CCP110: variants seen among roughly 807,000 people sequenced by gnomAD.
CCP110 encodes centriolar coiled-coil protein of 110 kDa.
CCP110 carries 43 observed loss-of-function variants against 105.5 expected under a neutral mutation model. That is an observed-to-expected ratio of 0.41 (90% CI 0.32 to 0.53). The LOEUF is 0.53. Among genes scored for constraint, CCP110 ranks in the 20% least tolerant of loss-of-function variants. CCP110 has a pLI of 0.32. For missense variants in CCP110, 1,016 were observed against 1,189.1 expected, an observed-to-expected ratio of 0.85 and a Z score of 2.14; for synonymous variants, 353 against 392.1, an observed-to-expected ratio of 0.90 and a Z score of 1.18.
At chr16:19,550,968 G>A (rs1177709942) in intron 14 of CCP110, among the ~76,000 whole-genome samples, 1 of 152,176 alleles carries the variant, frequency 6.6e-6, no homozygotes, top group Non-Finnish European at 1.5e-5. Context: ...GGTTATCAGA[G>A]TTCTTCCTTC....
At chr16:19,539,514 C>T (rs1056489439) in intron 4 of CCP110, among the ~76,000 whole-genome samples, 2 of 151,386 alleles carry the variant, frequency 1.3e-5, no homozygotes, top group South Asian at 2.1e-4. Context: ...TGCGCCACCA[C>T]GCCCAGCTGT....
chr16:19,546,076 AATTT>A (rs1312350908), intron 11 of CCP110, 186 bp downstream of exon 11: 12 of 552,690 alleles, frequency 2.2e-5, no homozygotes, highest in African/African-American at 5.7e-5. Flanking sequence ...ATCTTAGATG[AATTT>A]ATTTACTAAA....
chr16:19,537,087 T>C (rs1446366012), exon 4 of CCP110: 1 of 1,614,198 alleles, frequency 6.2e-7, no homozygotes, highest in South Asian at 1.1e-5. Context: ...GAAAATAAAG[T>C]TACTCATGGA....
chr16:19,530,205 T>A (rs226889), intron 2 of CCP110, among the ~76,000 whole-genome samples: 83,200 of 151,630 alleles, frequency 0.55, 26,109 homozygotes, highest in African/African-American at 0.86. Flanking sequence ...TTTAAAAAAA[T>A]AACAAAACTA....
chr16:19,543,775 T>C (rs1483938162), intron 8 of CCP110, among the ~76,000 whole-genome samples: 1 of 152,148 alleles, frequency 6.6e-6, no homozygotes, highest in Non-Finnish European at 1.5e-5. Flanking sequence ...AAATATGCCC[T>C]GGTCTCCTGC....
intron 1 of CCP110, among the ~76,000 whole-genome samples, chr16:19,527,535 T>A (rs1483919224): frequency 6.6e-6 from 1 of 152,200 alleles, no homozygotes; most frequent in Non-Finnish European, 1.5e-5. Context: ...TAATATCCTG[T>A]TTTACAATGT....
chr16:19,542,238 G>A (rs1014187423), intron 6 of CCP110, among the ~76,000 whole-genome samples, 174 bp downstream of exon 6: 1 of 152,198 alleles, frequency 6.6e-6, no homozygotes, highest in Non-Finnish European at 1.5e-5. Flanking sequence ...AGACTTGTGA[G>A]CAGATGTTTG....
intron 2 of CCP110, among the ~76,000 whole-genome samples, chr16:19,528,544 A>G (rs1274623417): frequency 1.3e-5 from 2 of 152,164 alleles, no homozygotes; most frequent in African/African-American, 4.8e-5. Flanking sequence ...TCAATGATCT[A>G]GTGTAAAACA....
At position 19,539,973 on chromosome 16, in the gene CCP110, C is replaced by T. The variant is rs903839220; in HGVS notation, c.1919-684C>T. Among the ~76,000 whole-genome samples the T allele has an allele frequency of 2.0e-4, 30 of 151,016 alleles. No homozygotes were observed. The East Asian group carries it at 4.4e-3, about 22-fold the overall frequency. On this transcript the variant is annotated intron_variant, in intron 4 of 14. Coordinates refer to ENST00000381396, the Ensembl canonical transcript of CCP110. ...CGCTTGTATTTTTTCAGTAGAGATT[C>T]GGTTTCACCATGTTGGTCATGCTGG... is the stretch of plus-strand genomic sequence containing the variant.
chr16:19,548,436 C>A lies in CCP110; in HGVS notation c.2901-79C>A. On this transcript the variant is annotated intron_variant, in intron 13 of 14. Coordinates refer to ENST00000381396, the Ensembl canonical transcript of CCP110. The surrounding 1 kb of genome is among the most constrained non-coding windows in gnomAD (Gnocchi z 4.1). ...TTATTTGTGCTTTGGACAGTTGATG[C>A]AATGTGATTGCTTTCTTTGAATTTT... 2.3e-6 allele frequency: 2 copies of A among 876,552 alleles called. No homozygotes were observed. The highest frequency in any genetic ancestry group is 3.6e-6 in the Non-Finnish European group (2 of 562,136). The allele number at this position is 876,552 out of a possible 1,614,324, so 54.3% of individuals were successfully genotyped here.
chr16:19,541,651 AGAGAG>A (rs1970285884), intron 5 of CCP110, among the ~76,000 whole-genome samples: 1 of 1,376 alleles, frequency 7.3e-4, no homozygotes, highest in African/African-American at 0.017. Context: ...GAGAGAGAGG[AGAGAG>A]AGAGAGAGAG....
At chr16:19,545,266 C>A in intron 10 of CCP110, 56 bp downstream of exon 10, 2 of 970,972 alleles carry the variant, frequency 2.1e-6, no homozygotes, top group South Asian at 1.6e-5. Context: ...GTAATTGATA[C>A]TAAATGTCAG....
At chr16:19,542,781 A>G (rs759506749) in intron 7 of CCP110, 21 bp downstream of exon 7, 74 of 1,598,740 alleles carry the variant, frequency 4.6e-5, no homozygotes, top group Non-Finnish European at 6.3e-5. Context: ...TTAATGATAC[A>G]TGTCCATCTA....
exon 4 of CCP110, chr16:19,536,545 A>T (rs1296853332): frequency 6.2e-7 from 1 of 1,614,176 alleles, no homozygotes; most frequent in African/African-American, 1.3e-5. Context: ...TTCCTGACAA[A>T]CCAAGCCTTA....
Position 19,548,021 on chromosome 16 carries a change from A to T in CCP110, c.2900+7A>T. ...GGCTACTTAGTAGACAAGGGTAAGA[A>T]TGCCACACACGGGTATTGAAAACTA... On this transcript the variant is annotated splice_region_variant and intron_variant, in intron 13 of 14. Transcript: ENST00000381396. The surrounding 1 kb of genome is among the most constrained non-coding windows in gnomAD (Gnocchi z 4.1). 6.3e-7 allele frequency: 1 copy of T among 1,598,364 alleles called. No homozygotes were observed. Among genetic ancestry groups the T allele is most frequent in the Non-Finnish European group, 8.6e-7 (1 of 1,165,830 alleles).
chr16:19,543,579 G>A (rs190240144), intron 8 of CCP110, among the ~76,000 whole-genome samples: 4 of 152,292 alleles, frequency 2.6e-5, no homozygotes, highest in African/African-American at 9.6e-5. Flanking sequence ...GGGCAAAATA[G>A]AGCCATATTT....
At chr16:19,536,333 G>T (rs770483196) in exon 4 of CCP110, 35 of 1,612,742 alleles carry the variant, frequency 2.2e-5, no homozygotes, top group Non-Finnish European at 2.8e-5. Context: ...AGTCATCCCA[G>T]ATCCCTATGT....
At chr16:19,543,263 A>C (rs1334639215) in intron 8 of CCP110, among the ~76,000 whole-genome samples, 1 of 152,144 alleles carries the variant, frequency 6.6e-6, no homozygotes, top group African/African-American at 2.4e-5. Context: ...ATAATTTCTT[A>C]CTCCTGTCTT....
intron 12 of CCP110, 97 bp from the exon 13 acceptor site, chr16:19,547,858 C>T: frequency 1.2e-6 from 1 of 856,516 alleles, no homozygotes; most frequent in Non-Finnish European, 2.0e-6. Context: ...CATAGTTGAC[C>T]TTTACCTTAC....
Sources: gnomAD v4.1 joint callset for allele counts (sites outside exome capture counted in the v4.1 genomes callset) on GRCh38, gnomAD v4.1.1 for gene constraint, Gnocchi (gnomAD v3.1) non-coding constraint, MANE v1.5 for transcripts, NCBI Gene and HGNC (gene_info 2026-07-23, HGNC 2026-07-21) for gene names.